The following PHF24 variants were observed in gnomAD, a reference collection of about 807,000 sequenced individuals.
PHF24 encodes Galpha inhibitory interacting protein.
Under a neutral mutation model 42.6 loss-of-function variants are expected in PHF24, and 25 were observed. The observed-to-expected ratio is 0.59, with a 90% CI of 0.43 to 0.82. The LOEUF is 0.82. PHF24 is among the 40% of genes least tolerant of loss of function. The pLI is 0.00. For missense variants in PHF24, 470 were observed against 538.1 expected, an observed-to-expected ratio of 0.87 and a Z score of 1.25; for synonymous variants, 185 against 204.8, an observed-to-expected ratio of 0.90 and a Z score of 0.83.
chr9:34,896,964 G>A, the PHF24 span, among the ~76,000 whole-genome samples: 1 of 152,088 alleles, frequency 6.6e-6, no homozygotes, highest in African/African-American at 2.4e-5. Flanking sequence ...AGACCAGCCT[G>A]GCCAACATGG....
the PHF24 span, among the ~76,000 whole-genome samples, chr9:34,825,026 G>A: frequency 1.3e-5 from 2 of 152,114 alleles, no homozygotes; most frequent in African/African-American, 4.8e-5. Context: ...GTGGGATTGT[G>A]GTTAACATAA....
At chr9:34,692,315 C>A in the PHF24 span, among the ~76,000 whole-genome samples, 1 of 152,090 alleles carries the variant, frequency 6.6e-6, no homozygotes, top group African/African-American at 2.4e-5. Context: ...AAGGACTTTA[C>A]CACTATTACC....
the PHF24 span, among the ~76,000 whole-genome samples, chr9:34,935,736 G>GTGTGT: frequency 7.0e-6 from 1 of 142,598 alleles, no homozygotes; most frequent in South Asian, 2.2e-4. Context: ...ATTTGTGTGT[G>GTGTGT]GGGGGGGGGT....
the PHF24 span, chr9:34,835,914 C>T: frequency 1.1e-5 from 9 of 812,256 alleles, no homozygotes; most frequent in Admixed American, 2.0e-5. Flanking sequence ...ATGGACTCCT[C>T]GACAAAGTTG....
chr9:34,812,450 T>C, the PHF24 span, among the ~76,000 whole-genome samples: 1 of 152,234 alleles, frequency 6.6e-6, no homozygotes, highest in Non-Finnish European at 1.5e-5. Context: ...GATGTGTATA[T>C]TTAAGAGAAA....
At chr9:34,792,282 G>T in the PHF24 span, among the ~76,000 whole-genome samples, 3 of 152,192 alleles carry the variant, frequency 2.0e-5, no homozygotes, top group Non-Finnish European at 2.9e-5. Context: ...GTGTGGTTAT[G>T]TTCAGATGAT....
chr9:34,942,451 C>G, the PHF24 span, among the ~76,000 whole-genome samples: 1 of 152,150 alleles, frequency 6.6e-6, no homozygotes, highest in African/African-American at 2.4e-5. Flanking sequence ...TAGGGTGTCT[C>G]CCACCCTCTA....
At chr9:34,878,143 G>T in the PHF24 span, among the ~76,000 whole-genome samples, 1 of 152,186 alleles carries the variant, frequency 6.6e-6, no homozygotes, top group African/African-American at 2.4e-5. Flanking sequence ...GGGAAAGTGT[G>T]TATGTGGGCC....
chr9:34,823,409 G>T, the PHF24 span, among the ~76,000 whole-genome samples: 1 of 152,006 alleles, frequency 6.6e-6, no homozygotes. Flanking sequence ...TTTGCCCTTG[G>T]TCATGCCATC....
the PHF24 span, among the ~76,000 whole-genome samples, chr9:34,745,171 A>T: frequency 0.012 from 1,887 of 152,292 alleles, 23 homozygotes; most frequent in Admixed American, 0.028. Context: ...AGAGGTCAGG[A>T]AGGAGCTGAA....
chr9:34,962,384 T>C (rs1422956704), intron 1 of PHF24, among the ~76,000 whole-genome samples: 1 of 151,774 alleles, frequency 6.6e-6, no homozygotes, highest in Non-Finnish European at 1.5e-5. Flanking sequence ...TATCCACTGA[T>C]GTAACTCCTA....
the PHF24 span, among the ~76,000 whole-genome samples, chr9:34,822,908 A>G: frequency 1.3e-5 from 2 of 152,048 alleles, no homozygotes; most frequent in Admixed American, 6.6e-5. Context: ...AAAAAAAAAG[A>G]TTGTCCGGCC....
At chr9:34,902,187 T>C in the PHF24 span, among the ~76,000 whole-genome samples, 3 of 152,182 alleles carry the variant, frequency 2.0e-5, no homozygotes, top group African/African-American at 7.2e-5. Context: ...TTAAATTTTG[T>C]TTATACCTTG....
the PHF24 span, among the ~76,000 whole-genome samples, chr9:34,908,842 C>CTTTTCTT: frequency 7.4e-6 from 1 of 135,346 alleles, no homozygotes; most frequent in African/African-American, 2.7e-5. Context: ...CTTTTCTTTT[C>CTTTTCTT]TTTTTTTTTT....
chr9:34,790,214 T>G, the PHF24 span, among the ~76,000 whole-genome samples: 1 of 152,206 alleles, frequency 6.6e-6, no homozygotes, highest in African/African-American at 2.4e-5. Flanking sequence ...TATCCTTAGC[T>G]GCAAAGATCA....
At chr9:34,772,166 C>G in the PHF24 span, among the ~76,000 whole-genome samples, 2 of 152,100 alleles carry the variant, frequency 1.3e-5, no homozygotes, top group African/African-American at 2.4e-5. Context: ...AATTAAACTC[C>G]CCAAGAGACT....
chr9:34,799,366 C>A, the PHF24 span, among the ~76,000 whole-genome samples: 1 of 151,944 alleles, frequency 6.6e-6, no homozygotes, highest in South Asian at 2.1e-4. Flanking sequence ...TAAATTAATG[C>A]CTTTGTCATA....
At chr9:34,825,603 G>A in the PHF24 span, among the ~76,000 whole-genome samples, 1 of 151,850 alleles carries the variant, frequency 6.6e-6, no homozygotes, top group Non-Finnish European at 1.5e-5. Context: ...GTCTGATGCA[G>A]GGTGTTCATG....
chr9:34,968,592 G>T (rs1826864057), intron 1 of PHF24, among the ~76,000 whole-genome samples: 2 of 152,170 alleles, frequency 1.3e-5, no homozygotes, highest in African/African-American at 4.8e-5. Context: ...TAGTAGTAGT[G>T]GCAAGGCAAG....
Sources: gnomAD v4.1 joint callset for allele counts (sites outside exome capture counted in the v4.1 genomes callset) on GRCh38, gnomAD v4.1.1 for gene constraint, MANE v1.5 for transcripts, NCBI Gene and HGNC (gene_info 2026-07-23, HGNC 2026-07-21) for gene names.